Variants in LPIN1 observed in about 807,000 individuals in gnomAD.
LPIN1 encodes the protein lipin 1.
LPIN1 carries 71 observed loss-of-function variants against 107.5 expected under a neutral mutation model. The ratio of observed to expected loss-of-function variants is 0.66; its 90% CI spans 0.55 to 0.80. The LOEUF (loss-of-function observed/expected upper bound fraction) is 0.80, where lower values mean the gene tolerates loss of function less well. Among genes scored for constraint, LPIN1 ranks in the 30% least tolerant of loss-of-function variants. The probability of loss-of-function intolerance (pLI) is 0.00; values close to 1 mark genes in which losing one functional copy is unlikely to be tolerated. For missense variants in LPIN1, 1,043 were observed against 1,160.6 expected, an observed-to-expected ratio of 0.90 and a Z score of 1.47; for synonymous variants, 445 against 452.6, an observed-to-expected ratio of 0.98 and a Z score of 0.21.
upstream of LPIN1, among the ~76,000 whole-genome samples, chr2:11,720,846 G>A (rs1404325019): frequency 6.6e-6 from 1 of 151,780 alleles, no homozygotes; most frequent in Non-Finnish European, 1.5e-5. Flanking sequence ...CAGCTGAGTT[G>A]AGCAAAGACC....
chr2:11,741,055 T>C, intron 1 of LPIN1: 1 of 243,746 alleles, frequency 4.1e-6, no homozygotes, highest in Non-Finnish European at 7.8e-6. Flanking sequence ...ACGAAAGAGA[T>C]CTTCCTCAAG....
At chr2:11,788,505 G>A in intron 12 of LPIN1, 49 bp downstream of exon 12, 1 of 1,371,890 alleles carries the variant, frequency 7.3e-7, no homozygotes, top group Non-Finnish European at 1.0e-6. Context: ...ATGATGGGTA[G>A]CTTAATCTGG....
chr2:11,710,419 C>T (rs770239928), intron 1 of LPIN1, among the ~76,000 whole-genome samples: 20 of 151,960 alleles, frequency 1.3e-4, no homozygotes, highest in East Asian at 1.9e-4. Context: ...TGACTCACAC[C>T]GAGAACAGGA....
chr2:11,738,398 A>G (rs376444223), intron 1 of LPIN1, among the ~76,000 whole-genome samples: 41 of 147,918 alleles, frequency 2.8e-4, no homozygotes, highest in African/African-American at 8.7e-4. Context: ...AAAAAAAAAA[A>G]AAGAAGAAGA....
intron 1 of LPIN1, among the ~76,000 whole-genome samples, chr2:11,706,203 G>C (rs775376125): frequency 6.6e-5 from 10 of 152,178 alleles, no homozygotes; most frequent in Non-Finnish European, 1.5e-4. Flanking sequence ...TGTGAAAATG[G>C]ACTAATATGG....
upstream of LPIN1, among the ~76,000 whole-genome samples, chr2:11,742,431 G>A (rs1666464547): frequency 6.6e-6 from 1 of 152,162 alleles, no homozygotes; most frequent in Non-Finnish European, 1.5e-5. Flanking sequence ...TAGCACTGGA[G>A]AATGTGAGAC....
At chr2:11,759,487 A>G (rs1669285027) in intron 1 of LPIN1, among the ~76,000 whole-genome samples, 1 of 152,188 alleles carries the variant, frequency 6.6e-6, no homozygotes, top group Non-Finnish European at 1.5e-5. Context: ...TTCATGGAGC[A>G]CCGGGTTGGG....
intron 1 of LPIN1, among the ~76,000 whole-genome samples, chr2:11,708,569 C>T (rs558200825): frequency 5.8e-4 from 89 of 152,188 alleles, no homozygotes; most frequent in African/African-American, 2.1e-3. Flanking sequence ...CAATGGGGAG[C>T]CATGAAAGGT....
intron 18 of LPIN1, chr2:11,818,330 A>T (rs564432490): frequency 6.6e-6 from 1 of 152,232 alleles, no homozygotes; most frequent in African/African-American, 2.4e-5. Flanking sequence ...TCATTTGTTT[A>T]GGTCTTTCCT....
At chr2:11,698,580 C>T (rs1662706120) in intron 1 of LPIN1, among the ~76,000 whole-genome samples, 1 of 152,212 alleles carries the variant, frequency 6.6e-6, no homozygotes, top group Admixed American at 6.5e-5. Context: ...TTCTAGATTG[C>T]CCGACACCAT....
chr2:11,704,067 A>C (rs941114289), intron 1 of LPIN1, among the ~76,000 whole-genome samples: 3 of 152,238 alleles, frequency 2.0e-5, no homozygotes, highest in Non-Finnish European at 4.4e-5. Flanking sequence ...TTGGCATCTC[A>C]TGGTAGTCAG....
intron 1 of LPIN1, among the ~76,000 whole-genome samples, chr2:11,739,475 AC>A (rs1234740534): frequency 6.6e-6 from 1 of 152,198 alleles, no homozygotes; most frequent in Non-Finnish European, 1.5e-5. Flanking sequence ...GACTGGGAAG[AC>A]CCCCTAAAAT....
chr2:11,718,343 T>G (rs1663890170), intron 2 of LPIN1, among the ~76,000 whole-genome samples: 1 of 152,144 alleles, frequency 6.6e-6, no homozygotes, highest in Admixed American at 6.5e-5. Context: ...TTCACCTGCC[T>G]TAGCCTCCCG....
intron 1 of LPIN1, among the ~76,000 whole-genome samples, chr2:11,735,171 A>T (rs7593837): frequency 0.23 from 35,154 of 151,878 alleles, 5,683 homozygotes; most frequent in African/African-American, 0.46. Flanking sequence ...ACACGACTGT[A>T]ATCCCAGCTA....
rs1452779068 is a variant in LPIN1 at position 11,826,417 on chromosome 2, TATTAAAAATA to T, written c.*1637_*1646del. On this transcript the variant is annotated 3_prime_UTR_variant, in exon 21 of 21. Transcript: ENST00000674199. ...GCATGTGCAGATTCCCTTTTGCAGG[TATTAAAAATA>T]ATTAAAAATAGTCCTGCCTGAGGTT... The T allele has an allele frequency of 6.7e-6, 1 of 149,572 alleles. No homozygotes were observed. 9.3% of individuals were successfully genotyped at this position (149,572 alleles called of 1,614,324 possible). A position where few individuals can be genotyped will look rare whatever the true frequency, so the allele number is the denominator to read the frequency against.
At chr2:11,753,694 C>G (rs960442362) in intron 1 of LPIN1, among the ~76,000 whole-genome samples, 1 of 152,224 alleles carries the variant, frequency 6.6e-6, no homozygotes, top group Admixed American at 6.5e-5. Flanking sequence ...TTATCAACCG[C>G]CGTTAAGTAT....
intron 18 of LPIN1, chr2:11,818,323 T>G (rs1179812093): frequency 6.6e-6 from 1 of 152,238 alleles, no homozygotes; most frequent in East Asian, 1.9e-4. Flanking sequence ...CTATTCTTCA[T>G]TTGTTTAGGT....
chr2:11,785,784 G>A (rs1674464218), intron 10 of LPIN1, among the ~76,000 whole-genome samples: 1 of 152,204 alleles, frequency 6.6e-6, no homozygotes, highest in African/African-American at 2.4e-5. Flanking sequence ...GGGCTGCCAT[G>A]TGAGACTCCT....
chr2:11,680,829 G>A (rs1661674296), intron 1 of LPIN1, among the ~76,000 whole-genome samples: 1 of 152,158 alleles, frequency 6.6e-6, no homozygotes, highest in African/African-American at 2.4e-5. Flanking sequence ...GGCAGTCACG[G>A]GCCGAATATG....
Sources: allele counts gnomAD v4.1 joint callset (sites outside exome capture counted in the v4.1 genomes callset), GRCh38; gene constraint gnomAD v4.1.1; transcripts MANE v1.5; gene names NCBI Gene and HGNC (gene_info 2026-07-23, HGNC 2026-07-21).